Variants in PTPRZ1 observed in about 807,000 individuals in gnomAD.
PTPRZ1 encodes the protein receptor-type tyrosine-protein phosphatase zeta.
In PTPRZ1, 82 loss-of-function variants were observed where a neutral mutation model predicts 214.1. That is an observed-to-expected ratio of 0.38 (90% CI 0.32 to 0.46). The LOEUF is 0.46. Ranked by LOEUF, PTPRZ1 falls within the 20% of genes least tolerant of loss-of-function variation. The pLI, the probability that PTPRZ1 is intolerant of heterozygous loss-of-function variation, is 1.00. For missense variants in PTPRZ1, 2,603 were observed against 2,748.7 expected, an observed-to-expected ratio of 0.95 and a Z score of 1.19; for synonymous variants, 945 against 987.9, an observed-to-expected ratio of 0.96 and a Z score of 0.81.
Position 121,969,945 on chromosome 7 carries a change from TC to T in PTPRZ1, c.304+1821del, listed in dbSNP as rs571504267. Among the ~76,000 whole-genome samples, 393 of 101,996 alleles carry T rather than the reference TC, an allele frequency of 3.9e-3. 1 individual carries two copies. The highest frequency in any genetic ancestry group is 5.6e-3 in the Non-Finnish European group (290 of 51,850). 66.9% of individuals were successfully genotyped at this position (101,996 alleles called of 152,430 possible). On this transcript the variant is annotated intron_variant, in intron 3 of 29. Transcript: ENST00000393386. The stretch of plus-strand genomic sequence containing the variant: ...TAGGCATATCTCCTAATGCTATCCC[TC>T]CCCCCTCCCCCCACCCCGCAACAGG...
rs146663223 is a variant in PTPRZ1, at chr7:121,978,499, A to C, written c.619+1648A>C. On this transcript the variant is annotated intron_variant, in intron 6 of 29. Transcript: ENST00000393386. ...ATGGCAGCATGAGAGAGAGAATGAG[A>C]GTGTGAGCAAAGGAGAAACTGCGGA... Among the ~76,000 whole-genome samples, 32 of 152,262 alleles carry C rather than the reference A, an allele frequency of 2.1e-4. 1 individual carries two copies. The highest frequency in any genetic ancestry group is 7.5e-4 in the African/African-American group (31 of 41,560).
chr7:121,898,533 A>AT lies in PTPRZ1; in HGVS notation c.58+24984dup, dbSNP rs556972964. Among the ~76,000 whole-genome samples, 1,192 of 152,016 alleles carry AT rather than the reference A, an allele frequency of 7.8e-3. 17 individuals are homozygous for AT. The highest frequency in any genetic ancestry group is 0.027 in the African/African-American group (1,118 of 41,458). The stretch of plus-strand genomic sequence containing the variant: ...AAGATGGAGTCTGATGTCAGCCTTC[A>AT]TTTTTTTTAATATACTGTTTTTCTT... On this transcript the variant is annotated intron_variant, in intron 1 of 29. Coordinates refer to ENST00000393386, the MANE Select transcript of PTPRZ1 (RefSeq NM_002851.3).
chr7:121,924,643 C>T (rs1795704064), intron 1 of PTPRZ1, among the ~76,000 whole-genome samples: 1 of 152,016 alleles, frequency 6.6e-6, no homozygotes, highest in Admixed American at 6.6e-5. Context: ...TTGCTGTTAT[C>T]CTTTAGAAGG....
intron 2 of PTPRZ1, among the ~76,000 whole-genome samples, chr7:121,935,544 T>G (rs13234734): frequency 0.17 from 22,335 of 131,082 alleles, 1,746 homozygotes; most frequent in Admixed American, 0.23. Flanking sequence ...TTGGGGTTTT[T>G]TTTGTTTGTT....
At chr7:121,908,559 C>T in intron 1 of PTPRZ1, 2 of 340,028 alleles carry the variant, frequency 5.9e-6, no homozygotes, top group South Asian at 4.9e-5. Flanking sequence ...CTTACAGGTC[C>T]TCTCCTCTAG....
chr7:121,962,711 C>T (rs942272647), intron 2 of PTPRZ1, among the ~76,000 whole-genome samples: 3 of 151,408 alleles, frequency 2.0e-5, no homozygotes, highest in Non-Finnish European at 4.4e-5. Flanking sequence ...ATTACAGGCA[C>T]GCATCACCAT....
At chr7:121,961,727 T>C (rs1280493014) in intron 2 of PTPRZ1, among the ~76,000 whole-genome samples, 2 of 152,196 alleles carry the variant, frequency 1.3e-5, no homozygotes, top group Non-Finnish European at 2.9e-5. Flanking sequence ...TTCTAACATA[T>C]GCCAGACTCA....
At chr7:122,038,118 G>A (rs1310955482) in intron 18 of PTPRZ1, among the ~76,000 whole-genome samples, 1 of 152,006 alleles carries the variant, frequency 6.6e-6, no homozygotes, top group Non-Finnish European at 1.5e-5. Context: ...AGAACAGCGT[G>A]GGGGAAATCA....
At chr7:122,004,960 T>C (rs989370912) in intron 11 of PTPRZ1, among the ~76,000 whole-genome samples, 4 of 152,042 alleles carry the variant, frequency 2.6e-5, no homozygotes, top group African/African-American at 9.6e-5. Flanking sequence ...AGCTATAAAC[T>C]GGAATTTTTT....
At chr7:121,925,055 C>T (rs1270594012) in intron 1 of PTPRZ1, among the ~76,000 whole-genome samples, 1 of 152,146 alleles carries the variant, frequency 6.6e-6, no homozygotes, top group Admixed American at 6.5e-5. Context: ...TCTTAGGAAT[C>T]GTTGATATTG....
chr7:121,884,596 T>A (rs1429217361), intron 1 of PTPRZ1, among the ~76,000 whole-genome samples: 2 of 152,186 alleles, frequency 1.3e-5, no homozygotes, highest in Non-Finnish European at 2.9e-5. Context: ...GTCAGCCCTC[T>A]CCAAAGGGTT....
At chr7:121,894,882 T>G (rs945307263) in intron 1 of PTPRZ1, among the ~76,000 whole-genome samples, 2 of 152,210 alleles carry the variant, frequency 1.3e-5, no homozygotes, top group Non-Finnish European at 2.9e-5. Context: ...TATAATTTTT[T>G]AGATAATTTT....
intron 2 of PTPRZ1, among the ~76,000 whole-genome samples, chr7:121,945,841 C>T (rs1260100436): frequency 2.0e-5 from 3 of 152,182 alleles, no homozygotes; most frequent in African/African-American, 7.2e-5. Flanking sequence ...CTCTTCTCCA[C>T]CTCCCTAGGA....
At chr7:121,974,024 G>A (rs901064714) in intron 4 of PTPRZ1, among the ~76,000 whole-genome samples, 17 of 150,240 alleles carry the variant, frequency 1.1e-4, no homozygotes, top group African/African-American at 4.2e-4. Flanking sequence ...GGCATTATAG[G>A]TGCCTCTTAT....
intron 23 of PTPRZ1, among the ~76,000 whole-genome samples, chr7:122,046,577 A>G (rs1791990790): frequency 1.3e-5 from 2 of 152,124 alleles, no homozygotes; most frequent in Non-Finnish European, 2.9e-5. Flanking sequence ...GATTCATTGG[A>G]CATTGCAGAG....
chr7:122,059,448 T>C (rs1298569627), intron 28 of PTPRZ1: 7 of 224,158 alleles, frequency 3.1e-5, no homozygotes, highest in Non-Finnish European at 5.2e-5. Flanking sequence ...ATGTGTATTA[T>C]ACATGTCTTT....
rs981151626 is a variant in PTPRZ1 at position 121,873,251 on chromosome 7, T to C, written c.-249T>C. 6.7e-6 allele frequency: 3 copies of C among 447,040 alleles called. No homozygotes were observed. Among genetic ancestry groups the C allele is most frequent in the Admixed American group, 3.8e-5 (1 of 26,656 alleles). The allele number at this position is 447,040 out of a possible 1,614,324, so 27.7% of individuals were successfully genotyped here. A position where few individuals can be genotyped will look rare whatever the true frequency, so the allele number is the denominator to read the frequency against. ...CTAGCGGCCCCGGGCCCCACCACCG[T>C]GCGGCTTTCTCCAGATTATTCCTCT... On this transcript the variant is annotated 5_prime_UTR_variant, in exon 1 of 30. Transcript: ENST00000393386.
intron 6 of PTPRZ1, among the ~76,000 whole-genome samples, chr7:121,979,092 A>G (rs371938692): frequency 1.3e-4 from 19 of 151,942 alleles, no homozygotes; most frequent in Middle Eastern, 6.8e-3. Flanking sequence ...CACCTTTTCA[A>G]CCATTATTCA....
intron 2 of PTPRZ1, among the ~76,000 whole-genome samples, chr7:121,939,784 A>G (rs768108423): frequency 6.6e-6 from 1 of 152,218 alleles, no homozygotes; most frequent in Non-Finnish European, 1.5e-5. Flanking sequence ...AGTAATCACA[A>G]GTATGCAAAC....
Sources: gnomAD v4.1 joint callset for allele counts (sites outside exome capture counted in the v4.1 genomes callset) on GRCh38, gnomAD v4.1.1 for gene constraint, MANE v1.5 for transcripts, NCBI Gene and HGNC (gene_info 2026-07-23, HGNC 2026-07-21) for gene names.